TPRG1: variants seen among roughly 807,000 people sequenced by gnomAD.
TPRG1 encodes the protein tumor protein p63-regulated gene 1 protein.
A neutral mutation model predicts 29.3 loss-of-function variants in TPRG1; 29 were observed. The ratio of observed to expected loss-of-function variants is 0.99; its 90% confidence interval spans 0.74 to 1.35. The LOEUF is 1.35. TPRG1 is among the 40% of genes most tolerant of loss of function. The probability of loss-of-function intolerance (pLI) is 0.00; values close to 1 mark genes in which losing one functional copy is unlikely to be tolerated. For synonymous variants in TPRG1, 130 were observed against 116.8 expected, an observed-to-expected ratio of 1.11 and a Z score of -0.73; for missense variants, 327 against 335.0, an observed-to-expected ratio of 0.98 and a Z score of 0.19.
At chr3:188,998,085 G>T (rs1711888339) in intron 1 of TPRG1, among the ~76,000 whole-genome samples, 1 of 152,032 alleles carries the variant, frequency 6.6e-6, no homozygotes, top group Admixed American at 6.6e-5. Context: ...TAGGTGCTGG[G>T]AATTTGGTGG....
chr3:189,301,077 C>G (rs1470290881), intron 4 of TPRG1, among the ~76,000 whole-genome samples: 3 of 151,984 alleles, frequency 2.0e-5, no homozygotes, highest in Non-Finnish European at 2.9e-5. Flanking sequence ...GCAGGCGGAT[C>G]ATGAGGTTGG....
At chr3:189,215,970 C>A (rs943684282) in intron 3 of TPRG1, among the ~76,000 whole-genome samples, 1 of 152,140 alleles carries the variant, frequency 6.6e-6, no homozygotes. Flanking sequence ...TCCATAAGAG[C>A]TTTGCTTGCA....
chr3:189,121,677 C>G (rs1051992625), intron 1 of TPRG1: 1 of 152,182 alleles, frequency 6.6e-6, no homozygotes, highest in Admixed American at 6.5e-5. Flanking sequence ...TCCCCATGCC[C>G]TCTTTTGGAC....
At chr3:189,275,379 T>C (rs1481144845) in intron 4 of TPRG1, among the ~76,000 whole-genome samples, 1 of 152,174 alleles carries the variant, frequency 6.6e-6, no homozygotes, top group African/African-American at 2.4e-5. Flanking sequence ...AGCTATATTA[T>C]AAGGTGCAAT....
intron 4 of TPRG1, among the ~76,000 whole-genome samples, chr3:189,067,832 T>C (rs1251561057): frequency 6.6e-6 from 1 of 152,078 alleles, no homozygotes; most frequent in African/African-American, 2.4e-5. Context: ...TGGAATCATA[T>C]CAAGTTAAAA....
chr3:189,038,790 T>C (rs1423122314), intron 4 of TPRG1, among the ~76,000 whole-genome samples: 8 of 32,510 alleles, frequency 2.5e-4, no homozygotes, highest in Non-Finnish European at 5.5e-4. Context: ...AAGAGAGTAA[T>C]TGGCAAAAAA....
upstream of TPRG1, among the ~76,000 whole-genome samples, chr3:189,170,078 C>T (rs1416528415): frequency 6.6e-6 from 1 of 152,198 alleles, no homozygotes; most frequent in Non-Finnish European, 1.5e-5. Flanking sequence ...TAGCATACTT[C>T]AAACAGCAGT....
At chr3:189,019,362 G>C (rs1197934612) in intron 3 of TPRG1, among the ~76,000 whole-genome samples, 1 of 152,166 alleles carries the variant, frequency 6.6e-6, no homozygotes, top group East Asian at 1.9e-4. Flanking sequence ...GATATTGGCC[G>C]TGGGTTTGTC....
intron 2 of TPRG1, among the ~76,000 whole-genome samples, chr3:189,208,276 T>G (rs765244855): frequency 6.6e-6 from 1 of 152,238 alleles, no homozygotes; most frequent in Non-Finnish European, 1.5e-5. Context: ...TTCCTACTTA[T>G]AGATCCTCTT....
chr3:189,209,949 T>A (rs954106100), intron 2 of TPRG1, among the ~76,000 whole-genome samples: 28 of 151,526 alleles, frequency 1.8e-4, no homozygotes, highest in African/African-American at 6.6e-4. Context: ...CTTATTGCCA[T>A]GTGAGTAAAA....
At chr3:189,188,483 T>G (rs1284699379) in intron 1 of TPRG1, among the ~76,000 whole-genome samples, 1 of 152,232 alleles carries the variant, frequency 6.6e-6, no homozygotes, top group Non-Finnish European at 1.5e-5. Flanking sequence ...TTTACTATCC[T>G]GTCTCCCAGC....
At chr3:189,252,456 T>C (rs547922456) in intron 4 of TPRG1, among the ~76,000 whole-genome samples, 4 of 152,292 alleles carry the variant, frequency 2.6e-5, no homozygotes, top group Admixed American at 2.0e-4. Flanking sequence ...TTTTCTGAAA[T>C]GGGAGCCCTA....
At chr3:189,218,772 G>C (rs1161896907) in intron 3 of TPRG1, among the ~76,000 whole-genome samples, 7 of 152,196 alleles carry the variant, frequency 4.6e-5, no homozygotes, top group African/African-American at 1.7e-4. Flanking sequence ...TCCTGCATTC[G>C]TCTTGAGGCT....
At chr3:189,252,405 A>G (rs1742426963) in intron 4 of TPRG1, among the ~76,000 whole-genome samples, 1 of 152,184 alleles carries the variant, frequency 6.6e-6, no homozygotes, top group African/African-American at 2.4e-5. Flanking sequence ...TTCATTCTCC[A>G]GGGTAACTAG....
chr3:189,082,270 A>G (rs1420888817), intron 4 of TPRG1, among the ~76,000 whole-genome samples: 2 of 152,188 alleles, frequency 1.3e-5, no homozygotes, highest in South Asian at 2.1e-4. Flanking sequence ...TCTTGCCTGC[A>G]TGATTTTGAA....
chr3:189,182,269 A>G (rs1351066672), intron 1 of TPRG1, among the ~76,000 whole-genome samples: 2 of 152,204 alleles, frequency 1.3e-5, no homozygotes, highest in Admixed American at 1.3e-4. Flanking sequence ...ATTCTTACCT[A>G]TTAATCCTCA....
At chr3:189,186,145 T>C (rs920366950) in intron 1 of TPRG1, among the ~76,000 whole-genome samples, 6 of 152,230 alleles carry the variant, frequency 3.9e-5, no homozygotes, top group Non-Finnish European at 8.8e-5. Context: ...ATCTTTGTTC[T>C]ATGTGAGATA....
In TPRG1 at chr3:189,256,071, C is replaced by G. The variant is rs914380454; in HGVS notation, c.479+17162C>G. Among the ~76,000 whole-genome samples the G allele has an allele frequency of 9.2e-5, 14 of 152,206 alleles. No homozygotes were observed. In the East Asian group the frequency reaches 2.5e-3, roughly 27 times the overall value. ...TTCTGCTAGCTTTTGAATTTGTTTG[C>G]TCTTGCTTCTCTAAGTCTTTTAATT... On this transcript the variant is annotated intron_variant, in intron 4 of 5. Transcript: ENST00000345063.
intron 4 of TPRG1, among the ~76,000 whole-genome samples, chr3:189,257,294 GTT>G (rs1712073846): frequency 2.0e-5 from 3 of 152,146 alleles, no homozygotes; most frequent in Admixed American, 2.0e-4. Flanking sequence ...GAAATTCTGG[GTT>G]GAAAATTCTT....
Sources: allele counts gnomAD v4.1 joint callset (sites outside exome capture counted in the v4.1 genomes callset), GRCh38; gene constraint gnomAD v4.1.1; transcripts MANE v1.5; gene names NCBI Gene and HGNC (gene_info 2026-07-23, HGNC 2026-07-21).